The following UBE2F variants were observed in gnomAD, a reference collection of about 807,000 sequenced individuals.
UBE2F encodes ubiquitin conjugating enzyme E2 F (putative).
A neutral mutation model predicts 29.6 loss-of-function variants in UBE2F; 5 were observed. The ratio of observed to expected loss-of-function variants is 0.17; its 90% CI spans 0.09 to 0.36. UBE2F has a LOEUF of 0.36. UBE2F is among the 10% of genes least tolerant of loss of function. UBE2F has a pLI of 1.00. For synonymous variants in UBE2F, 66 were observed against 81.8 expected, an observed-to-expected ratio of 0.81 and a Z score of 1.04; for missense variants, 141 against 228.5, an observed-to-expected ratio of 0.62 and a Z score of 2.47.
intron 6 of UBE2F, among the ~76,000 whole-genome samples, chr2:238,029,856 A>G (rs2064531117): frequency 6.6e-6 from 1 of 152,028 alleles, no homozygotes; most frequent in Non-Finnish European, 1.5e-5. Context: ...AGCACCTAGG[A>G]TTGTGCCTGA....
chr2:237,983,697 G>A (rs1015067961), intron 2 of UBE2F, among the ~76,000 whole-genome samples: 5 of 151,960 alleles, frequency 3.3e-5, no homozygotes, highest in Admixed American at 6.6e-5. Flanking sequence ...TCACATTTGC[G>A]TCTTCACTTC....
intron 6 of UBE2F, among the ~76,000 whole-genome samples, chr2:238,028,079 A>G (rs2064476522): frequency 6.6e-6 from 1 of 152,228 alleles, no homozygotes. Context: ...CTGATAGCCA[A>G]GTGTCTCTGT....
intron 5 of UBE2F, 68 bp from the exon 6 acceptor site, chr2:238,025,274 G>GCT: frequency 7.3e-7 from 1 of 1,367,180 alleles, no homozygotes; most frequent in South Asian, 1.2e-5. Flanking sequence ...ATGTGGTAAG[G>GCT]CTCTGGCCTG....
chr2:238,010,089 T>G (rs1003372733), intron 4 of UBE2F, among the ~76,000 whole-genome samples: 22 of 152,190 alleles, frequency 1.4e-4, no homozygotes, highest in Admixed American at 1.3e-4. Context: ...TGTAAACATT[T>G]TTATGCTTTT....
chr2:238,012,105 A>G (rs2064046512), intron 4 of UBE2F, among the ~76,000 whole-genome samples: 1 of 150,928 alleles, frequency 6.6e-6, no homozygotes, highest in Non-Finnish European at 1.5e-5. Flanking sequence ...GCTGGTCTCA[A>G]ACTCTTGAAC....
chr2:237,977,612 T>C (rs2063307124), intron 2 of UBE2F, among the ~76,000 whole-genome samples: 1 of 152,166 alleles, frequency 6.6e-6, no homozygotes, highest in Admixed American at 6.5e-5. Context: ...CTGGTGGCAG[T>C]CTGGCCTTCT....
At chr2:237,968,780 G>C (rs1430678204) in intron 1 of UBE2F, 2 of 922,670 alleles carry the variant, frequency 2.2e-6, no homozygotes, top group Non-Finnish European at 2.6e-6. Context: ...ATGCTGTTCA[G>C]AACAGCTGAT....
intron 2 of UBE2F, among the ~76,000 whole-genome samples, chr2:237,979,947 G>A (rs1273113481): frequency 6.6e-6 from 1 of 152,234 alleles, no homozygotes; most frequent in Non-Finnish European, 1.5e-5. Flanking sequence ...TCTGTAGTGT[G>A]AGGCCTCAGC....
At chr2:238,035,798 T>C (rs995698791) in intron 8 of UBE2F, 80 bp from the exon 9 acceptor site, 1 of 1,186,672 alleles carries the variant, frequency 8.4e-7, no homozygotes. Flanking sequence ...TAGACTTCTC[T>C]TACTGTGCCA....
chr2:237,980,347 G>A (rs1000975540), intron 2 of UBE2F, among the ~76,000 whole-genome samples: 2 of 152,232 alleles, frequency 1.3e-5, no homozygotes, highest in African/African-American at 4.8e-5. Flanking sequence ...CCCTTCTGGA[G>A]GCTGGAAGGC....
chr2:238,030,719 C>T lies in UBE2F; in HGVS notation c.411+106C>T, dbSNP rs1156621064. ...CACATGTCCTTGCCTGTCACATCCA[C>T]ACCAGTGGCCGGACACACCCTGCCT... On this transcript the variant is annotated intron_variant, in intron 7 of 9. Transcript: ENST00000272930. 6.0e-6 allele frequency: 5 copies of T among 831,606 alleles called. No individual in the cohort carries two copies. The East Asian group carries it at 1.3e-4, about 22-fold the overall frequency. 51.5% of individuals were successfully genotyped at this position (831,606 alleles called of 1,614,324 possible). A position where few individuals can be genotyped will look rare whatever the true frequency, so the allele number is the denominator to read the frequency against.
chr2:238,031,861 T>C (rs958693186), intron 7 of UBE2F, among the ~76,000 whole-genome samples: 10 of 152,256 alleles, frequency 6.6e-5, no homozygotes, highest in Non-Finnish European at 1.5e-5. Flanking sequence ...AAGGTGACTT[T>C]TTAGAAGTCA....
chr2:238,026,609 T>G (rs1338997386), intron 6 of UBE2F, among the ~76,000 whole-genome samples: 1 of 152,092 alleles, frequency 6.6e-6, no homozygotes. Flanking sequence ...AATTTTTGTA[T>G]TTTTTAGTAG....
chr2:238,035,959 T>C lies in UBE2F; in HGVS notation c.507+19T>C, dbSNP rs756762745. ...GGACAAGGTGAGCCAGTAACAGGCT[T>C]ATTCTAGGTTGATGTACTTGTCACG... On this transcript the variant is annotated intron_variant, in intron 9 of 9. Coordinates refer to ENST00000272930, the MANE Select transcript of UBE2F (RefSeq NM_080678.3). 6.2e-7 allele frequency: 1 copy of C among 1,608,596 alleles called. No individual in the cohort carries two copies. Among genetic ancestry groups the C allele is most frequent in the Admixed American group, 1.7e-5 (1 of 60,004 alleles).
chr2:237,977,284 C>T (rs1329575092), intron 2 of UBE2F, among the ~76,000 whole-genome samples: 2 of 152,198 alleles, frequency 1.3e-5, no homozygotes, highest in Non-Finnish European at 2.9e-5. Flanking sequence ...CTACCATTTC[C>T]ATCCTCCCCA....
intron 5 of UBE2F, among the ~76,000 whole-genome samples, chr2:238,024,755 C>G (rs983495951): frequency 2.0e-5 from 3 of 152,182 alleles, no homozygotes; most frequent in African/African-American, 4.8e-5. Flanking sequence ...TGTTGATATA[C>G]TTTATCCCCA....
At chr2:237,985,013 A>C (rs1236923093) in intron 2 of UBE2F, among the ~76,000 whole-genome samples, 1 of 144,164 alleles carries the variant, frequency 6.9e-6, no homozygotes, top group African/African-American at 2.7e-5. Flanking sequence ...AAAAAAAAAA[A>C]ATAGAGATGG....
chr2:238,041,136 C>T (rs1305197927), intron 9 of UBE2F, 152 bp from the exon 10 acceptor site: 2 of 701,588 alleles, frequency 2.9e-6, no homozygotes, highest in Non-Finnish European at 5.0e-6. Flanking sequence ...CGAAATGGCA[C>T]TCAGACTCCG....
chr2:238,034,011 A>G (rs1393680481), intron 8 of UBE2F, among the ~76,000 whole-genome samples: 2 of 151,884 alleles, frequency 1.3e-5, no homozygotes, highest in Non-Finnish European at 2.9e-5. Context: ...AGCCACCATA[A>G]TTTTTTTCTG....
Sources: gnomAD v4.1 joint callset for allele counts (sites outside exome capture counted in the v4.1 genomes callset) on GRCh38, gnomAD v4.1.1 for gene constraint, MANE v1.5 for transcripts, NCBI Gene and HGNC (gene_info 2026-07-23, HGNC 2026-07-21) for gene names.